Variants in PTPRQ observed in about 807,000 individuals in gnomAD.
PTPRQ encodes protein tyrosine phosphatase receptor type Q, also known as phosphatidylinositol phosphatase PTPRQ.
A neutral mutation model predicts 246.0 loss-of-function variants in PTPRQ; 199 were observed. The observed-to-expected ratio is 0.81, with a 90% confidence interval of 0.72 to 0.91. The LOEUF is 0.91. PTPRQ is among the 40% of genes least tolerant of loss of function. The pLI, the probability that PTPRQ is intolerant of heterozygous loss-of-function variation, is 0.00. For missense variants in PTPRQ, 2,624 were observed against 2,528.4 expected, an observed-to-expected ratio of 1.04 and a Z score of -0.81; for synonymous variants, 869 against 853.2, an observed-to-expected ratio of 1.02 and a Z score of -0.32.
Position 80,472,178 on chromosome 12 carries a change from T to A in PTPRQ, c.1113T>A (p.Asp371Glu). The A allele has an allele frequency of 6.4e-7, 1 of 1,551,650 alleles. No individual in the cohort carries two copies. Among genetic ancestry groups the A allele is most frequent in the Non-Finnish European group, 8.7e-7 (1 of 1,146,964 alleles). ...FTNLTPFTMY[D>E]VYIAAETSAG... ...ACCTAACACCATTTACAATGTATGA[T>A]GTCTATATTGCGGCTGAAACCAGTG... is the stretch of plus-strand genomic sequence containing the variant. The change falls in exon 8 of 45, where the codon GAT (aspartate) becomes GAA (glutamate). Residue 371 changes from aspartate to glutamate, a missense_variant. Physicochemically the swap from Asp to Glu is conservative, Grantham distance 45 (BLOSUM62 2). Coordinates refer to ENST00000644991, the MANE Select transcript of PTPRQ (RefSeq NM_001145026.2).
chr12:80,616,056 A>G, intron 29 of PTPRQ, 144 bp from the exon 30 acceptor site: 2 of 422,012 alleles, frequency 4.7e-6, no homozygotes, highest in Non-Finnish European at 6.8e-6. Flanking sequence ...ATTATTTAAA[A>G]TTACATGTAA....
At chr12:80,498,156 A>G (rs1276181652) in intron 14 of PTPRQ, among the ~76,000 whole-genome samples, 1 of 152,026 alleles carries the variant, frequency 6.6e-6, no homozygotes, top group East Asian at 1.9e-4. Context: ...TTTTGTAGAT[A>G]TTGTACCTGA....
At chr12:80,522,142 C>G (rs915371234) in intron 17 of PTPRQ, among the ~76,000 whole-genome samples, 5 of 152,092 alleles carry the variant, frequency 3.3e-5, no homozygotes, top group Admixed American at 3.3e-4. Context: ...TGGGAGTTCA[C>G]TCATGATTTG....
At chr12:80,467,929 GC>G (rs1893490987) in intron 6 of PTPRQ, among the ~76,000 whole-genome samples, 1 of 152,138 alleles carries the variant, frequency 6.6e-6, no homozygotes, top group South Asian at 2.1e-4. Context: ...AATGGGTGCA[GC>G]AAACCAACAT....
intron 25 of PTPRQ, among the ~76,000 whole-genome samples, chr12:80,577,548 C>G (rs1035048386): frequency 3.9e-5 from 6 of 152,108 alleles, no homozygotes; most frequent in Non-Finnish European, 7.4e-5. Context: ...ATATTGGCCT[C>G]CAAACAGAAT....
At chr12:80,572,336 A>G (rs1897168027) in intron 25 of PTPRQ, among the ~76,000 whole-genome samples, 1 of 152,124 alleles carries the variant, frequency 6.6e-6, no homozygotes, top group African/African-American at 2.4e-5. Context: ...ACAGAAACAC[A>G]ATCAATTTTT....
chr12:80,583,818 CAG>C (rs1897524117), intron 25 of PTPRQ: 1 of 152,190 alleles, frequency 6.6e-6, no homozygotes, highest in African/African-American at 2.4e-5. Context: ...TTGTGTAACT[CAG>C]GGTCCTCTTT....
chr12:80,524,747 A>G (rs554013708), intron 17 of PTPRQ, among the ~76,000 whole-genome samples: 3 of 152,228 alleles, frequency 2.0e-5, no homozygotes, highest in East Asian at 3.9e-4. Context: ...AAAGAATATT[A>G]TCCCCATTTT....
In PTPRQ at chr12:80,459,320, ACAACGCTT is replaced by A; in HGVS notation, c.500_507del (p.Asn167SerfsTer3). The A allele has an allele frequency of 2.5e-6, 1 of 398,466 alleles. No individual in the cohort carries two copies. The highest frequency in any genetic ancestry group is 4.4e-6 in the Non-Finnish European group (1 of 225,940). 24.7% of individuals were successfully genotyped at this position (398,466 alleles called of 1,614,324 possible). A position where few individuals can be genotyped will look rare whatever the true frequency, so the allele number is the denominator to read the frequency against. On this transcript the variant is annotated frameshift_variant, in exon 5 of 45. Coordinates refer to ENST00000644991, the MANE Select transcript of PTPRQ (RefSeq NM_001145026.2). LOFTEE classifies it high-confidence loss of function. ...GTGGTGAATCTCACAGTTGAGGCCT[ACAACGCTT>A]CAGCAGTTAAGCTGATTTGGTATTT...
chr12:80,674,525 A>G (rs1901073235), intron 43 of PTPRQ, among the ~76,000 whole-genome samples: 1 of 152,172 alleles, frequency 6.6e-6, no homozygotes, highest in Admixed American at 6.6e-5. Context: ...TCCAGACCAG[A>G]GATATCCAAA....
rs532758540 is a variant in PTPRQ at position 80,635,187 on chromosome 12, G to T, written c.5915+114G>T. ...GGCTCTAATTTACACAGGTCACAGA[G>T]ATCTTCTTTCAAAGAGTGACCTCCG... On this transcript the variant is annotated intron_variant, in intron 35 of 44. Transcript: ENST00000644991. 1,498 of 1,418,310 alleles carry T rather than the reference G, an allele frequency of 1.1e-3. 2 individuals carry two copies. The highest frequency in any genetic ancestry group is 1.3e-3 in the Non-Finnish European group (1,436 of 1,086,972). The allele number at this position is 1,418,310 out of a possible 1,614,324, so 87.9% of individuals were successfully genotyped here. A position where few individuals can be genotyped will look rare whatever the true frequency, so the allele number is the denominator to read the frequency against.
intron 15 of PTPRQ, 100 bp downstream of exon 15, chr12:80,506,306 G>C: frequency 7.8e-7 from 1 of 1,276,414 alleles, no homozygotes; most frequent in Non-Finnish European, 1.0e-6. Context: ...TTTCATGCAG[G>C]GTATTACAAT....
At chr12:80,663,256 A>G (rs1388395457) in intron 39 of PTPRQ, among the ~76,000 whole-genome samples, 2 of 151,964 alleles carry the variant, frequency 1.3e-5, no homozygotes, top group Non-Finnish European at 2.9e-5. Flanking sequence ...AATAATCCCA[A>G]TTATTTATAT....
At chr12:80,562,540 A>C (rs1018810731) in intron 25 of PTPRQ, among the ~76,000 whole-genome samples, 7 of 152,216 alleles carry the variant, frequency 4.6e-5, no homozygotes, top group African/African-American at 1.7e-4. Flanking sequence ...AGGAAATCTT[A>C]AGATAATTTT....
At chr12:80,482,505 A>C (rs1199623044) in intron 8 of PTPRQ, among the ~76,000 whole-genome samples, 2 of 151,570 alleles carry the variant, frequency 1.3e-5, no homozygotes, top group South Asian at 2.1e-4. Context: ...CAATGGCAAC[A>C]AAAGACAAAA....
At chr12:80,627,270 C>T (rs1899236517) in intron 33 of PTPRQ, among the ~76,000 whole-genome samples, 1 of 150,844 alleles carries the variant, frequency 6.6e-6, no homozygotes, top group Admixed American at 6.6e-5. Context: ...GTTTGAATAC[C>T]CTAGGTGACT....
In PTPRQ at chr12:80,493,415, T is replaced by C. The variant is rs558498724; in HGVS notation, c.1500T>C (p.Phe500=). Reference sequence around the variant, plus strand: ...ATAACAGCCATCCAGATAAAAACTTTCCTGCAAGGAATAGAGCTGAAGACC... The same window carrying C: ...ATAACAGCCATCCAGATAAAAACTTCCCTGCAAGGAATAGAGCTGAAGACC... ...FIYNSHPDKN[F]PARNRAEDQT... Residue 500 remains phenylalanine (F), a synonymous_variant, in exon 10 of 45, where the codon TTT becomes TTC. Transcript: ENST00000644991. 1 of 1,550,080 alleles carries C rather than the reference T, an allele frequency of 6.5e-7. No homozygotes were observed. Among genetic ancestry groups the C allele is most frequent in the Non-Finnish European group, 8.7e-7 (1 of 1,145,888 alleles).
chr12:80,460,367 C>T (rs999479115), intron 5 of PTPRQ, among the ~76,000 whole-genome samples: 13 of 152,084 alleles, frequency 8.5e-5, no homozygotes, highest in Non-Finnish European at 1.8e-4. Flanking sequence ...TAACATGAAG[C>T]TTAAAAATTC....
Position 80,579,895 on chromosome 12 carries a change from A to G in PTPRQ, c.4286-8234A>G, listed in dbSNP as rs193122764. Among the ~76,000 whole-genome samples, 38 of 152,316 alleles carry G rather than the reference A, an allele frequency of 2.5e-4. No homozygotes were observed. In the East Asian group the frequency reaches 6.0e-3, roughly 24 times the overall value. ...ATAATTTTGTATGTTTTATAAATAT[A>G]ATTCACAAATATAACTTTTCAGACA... is the stretch of plus-strand genomic sequence containing the variant. On this transcript the variant is annotated intron_variant, in intron 25 of 44. Transcript: ENST00000644991.
Sources: allele counts gnomAD v4.1 joint callset (sites outside exome capture counted in the v4.1 genomes callset), GRCh38; gene constraint gnomAD v4.1.1; transcripts MANE v1.5; gene names NCBI Gene and HGNC (gene_info 2026-07-23, HGNC 2026-07-21).